Variants in NSUN7 observed in about 807,000 individuals in gnomAD.
The protein encoded by NSUN7 is protein NSUN7.
In NSUN7, 39 loss-of-function variants were observed where a neutral mutation model predicts 58.5. The observed-to-expected ratio is 0.67, with a 90% CI of 0.52 to 0.87. The LOEUF (loss-of-function observed/expected upper bound fraction) is 0.87. Among genes scored for constraint, NSUN7 ranks in the 40% least tolerant of loss-of-function variants. The pLI, the probability that NSUN7 is intolerant of heterozygous loss-of-function variation, is 0.00. For missense variants in NSUN7, 765 were observed against 844.1 expected (o/e 0.91, Z 1.16); for synonymous variants, 278 against 303.7 (o/e 0.92, Z 0.88).
intron 2 of NSUN7, among the ~76,000 whole-genome samples, chr4:40,755,881 G>T (rs930866782): frequency 2.0e-5 from 3 of 152,160 alleles, no homozygotes; most frequent in African/African-American, 7.2e-5. Flanking sequence ...TATGGAGAGC[G>T]CTTAATTCTC....
intron 8 of NSUN7, among the ~76,000 whole-genome samples, chr4:40,791,713 T>C (rs1469006896): frequency 6.6e-6 from 1 of 152,224 alleles, no homozygotes; most frequent in East Asian, 1.9e-4. Flanking sequence ...ATATAGTAAC[T>C]GTTTTCTGTT....
intron 4 of NSUN7, among the ~76,000 whole-genome samples, chr4:40,768,849 A>G (rs992994614): frequency 3.9e-5 from 6 of 152,334 alleles, no homozygotes; most frequent in Non-Finnish European, 7.3e-5. Context: ...CACCAGCCCA[A>G]TAATCTATTT....
At chr4:40,762,555 G>T (rs1030801700) in intron 4 of NSUN7, 3 of 152,140 alleles carry the variant, frequency 2.0e-5, no homozygotes, top group African/African-American at 7.2e-5. Context: ...AGCTCTTTAC[G>T]TAACAATTCT....
At chr4:40,756,916 A>G (rs1419008150) in intron 2 of NSUN7, among the ~76,000 whole-genome samples, 1 of 152,154 alleles carries the variant, frequency 6.6e-6, no homozygotes, top group East Asian at 1.9e-4. Context: ...TACTTTCAGT[A>G]TTTAATAAGT....
At position 40,794,361 on chromosome 4, in the gene NSUN7, T is replaced by C; in HGVS notation, c.1181-14T>C. 1 of 1,502,678 alleles carries C rather than the reference T, an allele frequency of 6.7e-7. No homozygotes were observed. The highest frequency in any genetic ancestry group is 9.2e-7 in the Non-Finnish European group (1 of 1,085,622). 93.1% of individuals were successfully genotyped at this position (1,502,678 alleles called of 1,614,324 possible). On this transcript the variant is annotated splice_polypyrimidine_tract_variant and intron_variant, in intron 8 of 11. Transcript: ENST00000381782. ...ATGGTGCTATATTTAAAAGCATTTCTTTTTAAAATTCAGATACAGAATTCC... is the reference window on the plus strand; with the variant it reads ...ATGGTGCTATATTTAAAAGCATTTCCTTTTAAAATTCAGATACAGAATTCC...
At chr4:40,768,002 T>G (rs1741817750) in intron 4 of NSUN7, among the ~76,000 whole-genome samples, 1 of 152,150 alleles carries the variant, frequency 6.6e-6, no homozygotes, top group African/African-American at 2.4e-5. Context: ...ATTGCCTCAG[T>G]GCAGGTCAGG....
intron 8 of NSUN7, 44 bp downstream of exon 8, chr4:40,790,789 TA>T: frequency 7.3e-7 from 1 of 1,361,510 alleles, no homozygotes; most frequent in Non-Finnish European, 1.0e-6. Flanking sequence ...GTTGACAGTT[TA>T]AAATATAAAA....
chr4:40,792,695 T>G (rs1024606869), intron 8 of NSUN7, among the ~76,000 whole-genome samples: 47 of 151,778 alleles, frequency 3.1e-4, no homozygotes, highest in Non-Finnish European at 3.8e-4. Context: ...GAGCCTGCAG[T>G]GAGCCGAGAT....
At chr4:40,794,552 TA>T in intron 9 of NSUN7, 76 bp downstream of exon 9, 3 of 876,556 alleles carry the variant, frequency 3.4e-6, no homozygotes, top group Non-Finnish European at 5.5e-6. Context: ...CGATCTATTA[TA>T]ATCAAGCAAT....
At position 40,786,468 on chromosome 4, in the gene NSUN7, T is replaced by C. The variant is rs1451224821; in HGVS notation, c.1037-4134T>C. On this transcript the variant is annotated intron_variant, in intron 7 of 11. Transcript: ENST00000381782. ...CCAAAACTGAACTTCACAAAATAAATAGGATATCAGAAAATCAAGGAGTCC... is the reference window on the plus strand; with the variant it reads ...CCAAAACTGAACTTCACAAAATAAACAGGATATCAGAAAATCAAGGAGTCC... 5.6e-6 allele frequency: 9 copies of C among 1,612,552 alleles called. No homozygotes were observed. In the East Asian group the frequency reaches 1.1e-4, roughly 20 times the overall value.
rs75362277 is a variant in NSUN7, at chr4:40,751,289, T to A, written c.298+298T>A. On this transcript the variant is annotated intron_variant, in intron 2 of 11. Coordinates refer to ENST00000381782, the MANE Select transcript of NSUN7 (RefSeq NM_024677.6). ...CAATGATCATTTCCCTCTCCCTGTATTTTTTTTTCCCTCGTAGACTTAGGG... is the reference window on the plus strand; with the variant it reads ...CAATGATCATTTCCCTCTCCCTGTAATTTTTTTTCCCTCGTAGACTTAGGG... 3.3e-5 allele frequency among the ~76,000 whole-genome samples: 5 copies of A among 151,434 alleles called. No individual in the cohort carries two copies. The East Asian group carries it at 7.8e-4, about 24-fold the overall frequency.
intron 2 of NSUN7, among the ~76,000 whole-genome samples, chr4:40,757,655 GTATATATATACAT>G (rs1741220917): frequency 7.0e-6 from 1 of 142,910 alleles, no homozygotes; most frequent in Non-Finnish European, 1.5e-5. Context: ...TATACATTGT[GTATATATATACAT>G]TGTGTGTATA....
chr4:40,790,064 C>CTTT (rs60071501), intron 7 of NSUN7, among the ~76,000 whole-genome samples: 2,106 of 121,510 alleles, frequency 0.017, 83 homozygotes, highest in African/African-American at 0.051. Flanking sequence ...CCTCCCCCAC[C>CTTT]TTTTTTTTTT....
intron 7 of NSUN7, among the ~76,000 whole-genome samples, chr4:40,780,670 A>ATGGT (rs1742487005): frequency 6.6e-6 from 1 of 151,044 alleles, no homozygotes; most frequent in African/African-American, 2.4e-5. Flanking sequence ...AGCAAATAGG[A>ATGGT]TGGTAGATTA....
rs1183522000 is a variant in NSUN7 at position 40,764,050 on chromosome 4, TTTTTTTAATTTTTTAA to T, written c.488+2764_488+2779del. ...AGTATTTTACTCGAGTCTTCTTTGT[TTTTTTTAATTTTTTAA>T]TTTTTTAATTTTTTTATTTTATTAT... On this transcript the variant is annotated intron_variant, in intron 4 of 11. Transcript: ENST00000381782. Among the ~76,000 whole-genome samples, 5 of 151,756 alleles carry T rather than the reference TTTTTTTAATTTTTTAA, an allele frequency of 3.3e-5. No homozygotes were observed. In the East Asian group the frequency reaches 9.6e-4, roughly 29 times the overall value.
chr4:40,798,421 A>G (rs1259453246), intron 9 of NSUN7, among the ~76,000 whole-genome samples: 1 of 152,230 alleles, frequency 6.6e-6, no homozygotes, highest in African/African-American at 2.4e-5. Context: ...ATTCACCTCT[A>G]AGTCTGTCTG....
Position 40,809,034 on chromosome 4 carries a change from C to A in NSUN7, c.*95C>A. On this transcript the variant is annotated 3_prime_UTR_variant, in exon 12 of 12. Coordinates refer to ENST00000381782, the MANE Select transcript of NSUN7 (RefSeq NM_024677.6). ...ATTCTACATCTCTACACAAGATATT[C>A]ATTCTTTTGGTCACCTAGGGATCTT... The A allele has an allele frequency of 7.8e-7, 1 of 1,286,754 alleles. No homozygotes were observed. Among genetic ancestry groups the A allele is most frequent in the Non-Finnish European group, 1.0e-6 (1 of 966,272 alleles). The allele number at this position is 1,286,754 out of a possible 1,614,324, so 79.7% of individuals were successfully genotyped here.
intron 7 of NSUN7, among the ~76,000 whole-genome samples, chr4:40,789,120 T>C (rs1742965848): frequency 6.6e-6 from 1 of 152,222 alleles, no homozygotes; most frequent in Non-Finnish European, 1.5e-5. Flanking sequence ...ATCTGTTAAG[T>C]AGTTTTGCCT....
intron 8 of NSUN7, 89 bp downstream of exon 8, chr4:40,790,834 C>T: frequency 2.0e-6 from 2 of 988,822 alleles, no homozygotes; most frequent in East Asian, 2.8e-5. Context: ...ATATCAAATA[C>T]ATCTGATTAA....
Sources: gnomAD v4.1 joint callset for allele counts (sites outside exome capture counted in the v4.1 genomes callset) on GRCh38, gnomAD v4.1.1 for gene constraint, MANE v1.5 for transcripts, NCBI Gene and HGNC (gene_info 2026-07-23, HGNC 2026-07-21) for gene names.